Variants in MMS22L observed in about 807,000 individuals in gnomAD.
MMS22L encodes the protein protein MMS22-like.
MMS22L carries 74 observed loss-of-function variants against 159.1 expected under a neutral mutation model. The ratio of observed to expected loss-of-function variants is 0.47; its 90% CI spans 0.39 to 0.56. The LOEUF is 0.56. MMS22L is among the 20% of genes least tolerant of loss of function. MMS22L has a pLI of 0.00. For missense variants in MMS22L, 1,351 were observed against 1,422.1 expected, an observed-to-expected ratio of 0.95 and a Z score of 0.80; for synonymous variants, 517 against 506.9, an observed-to-expected ratio of 1.02 and a Z score of -0.27.
chr6:97,277,623 T>C (rs551546107), intron 4 of MMS22L, among the ~76,000 whole-genome samples: 2 of 152,146 alleles, frequency 1.3e-5, no homozygotes, highest in South Asian at 4.2e-4. Context: ...ACTTTTTTAC[T>C]AATTAGGATG....
chr6:97,189,386 C>A (rs1404007075), intron 14 of MMS22L, among the ~76,000 whole-genome samples: 1 of 150,298 alleles, frequency 6.7e-6, no homozygotes, highest in Non-Finnish European at 1.5e-5. Context: ...ATAGTGAAAC[C>A]CCATCTCTAT....
Position 97,272,805 on chromosome 6 carries a change from C to T in MMS22L, c.505G>A (p.Val169Met). The T allele has an allele frequency of 1.2e-6, 2 of 1,614,040 alleles. No homozygotes were observed. The highest frequency in any genetic ancestry group is 1.7e-6 in the Non-Finnish European group (2 of 1,179,938). The change falls in exon 6 of 25, where the codon GTG (valine) becomes ATG (methionine). Residue 169 changes from valine to methionine, a missense_variant. Val to Met is a conservative substitution (Grantham distance 21). Transcript: ENST00000683635. Reference sequence around the variant, plus strand: ...AATCCATGAAGCTCATCAATCAACACTGAGGGAAGCTGAGCCTCCAAAGCC... The same window carrying T: ...AATCCATGAAGCTCATCAATCAACATTGAGGGAAGCTGAGCCTCCAAAGCC... ...YEALEAQLPS[V>M]LIDELHGLLL...
intron 15 of MMS22L, 100 bp from the exon 16 acceptor site, chr6:97,182,154 TAA>T: frequency 1.1e-6 from 1 of 937,050 alleles, no homozygotes; most frequent in Non-Finnish European, 1.6e-6. Flanking sequence ...TTTTTTTTTT[TAA>T]GTAACAAATA....
At chr6:97,173,399 T>A (rs866269881) in intron 18 of MMS22L, among the ~76,000 whole-genome samples, 177 bp from the exon 19 acceptor site, 1 of 152,116 alleles carries the variant, frequency 6.6e-6, no homozygotes, top group African/African-American at 2.4e-5. Context: ...TAAAAAGAAT[T>A]AAGTCTTGTC....
Position 97,228,952 on chromosome 6 carries a change from G to A in MMS22L, c.1981C>T (p.Arg661Ter). 3 of 1,613,916 alleles carry A rather than the reference G, an allele frequency of 1.9e-6. No homozygotes were observed. The highest frequency in any genetic ancestry group is 1.7e-6 in the Non-Finnish European group (2 of 1,179,982). Residue 661 changes from arginine to a stop codon, truncating the protein, a stop_gained, in exon 14 of 25, where the codon CGA becomes TGA. Transcript: ENST00000683635. LOFTEE classifies it high-confidence loss of function. Reference protein sequence around the residue: ...DGFSMLLRACRESELRTVLSF... With the variant: ...DGFSMLLRAC ...AATACTGTCCTAAGTTCAGATTCTC[G>A]ACATGCTCGCAGAAGCATACTAAAT...
intron 14 of MMS22L, among the ~76,000 whole-genome samples, chr6:97,225,572 G>GTTTTTTTTTTTTTTTTTTTTTTTTTTT (rs202185434): frequency 7.0e-6 from 1 of 142,060 alleles, no homozygotes; most frequent in African/African-American, 2.6e-5. Flanking sequence ...TGGTCTCGAA[G>GTTTTTTTTTTTTTTTTTTTTTTTTTTT]TTTTTTTTTT....
chr6:97,258,311 T>C (rs546207868), intron 9 of MMS22L, among the ~76,000 whole-genome samples: 14 of 152,348 alleles, frequency 9.2e-5, no homozygotes, highest in Non-Finnish European at 1.8e-4. Context: ...TTCCTTAGTT[T>C]CTGGTACAAG....
At chr6:97,199,667 A>G (rs1309662543) in intron 14 of MMS22L, among the ~76,000 whole-genome samples, 1 of 152,052 alleles carries the variant, frequency 6.6e-6, no homozygotes, top group African/African-American at 2.4e-5. Flanking sequence ...TAATGGATCT[A>G]CAAACCTCAT....
intron 14 of MMS22L, among the ~76,000 whole-genome samples, chr6:97,193,139 T>C (rs1318248988): frequency 1.3e-5 from 2 of 152,222 alleles, no homozygotes; most frequent in Non-Finnish European, 2.9e-5. Flanking sequence ...ACCAGATGCA[T>C]ACATGTTAAA....
At chr6:97,239,129 C>T (rs1448552671) in intron 11 of MMS22L, among the ~76,000 whole-genome samples, 1 of 151,460 alleles carries the variant, frequency 6.6e-6, no homozygotes, top group Non-Finnish European at 1.5e-5. Flanking sequence ...GCTTCAATAT[C>T]CCAGTTACGA....
At chr6:97,193,577 A>G (rs184842680) in intron 14 of MMS22L, among the ~76,000 whole-genome samples, 75 of 152,288 alleles carry the variant, frequency 4.9e-4, no homozygotes, top group African/African-American at 1.8e-3. Context: ...TATTATTGTA[A>G]GTAGTTCCCA....
Position 97,178,536 on chromosome 6 carries a change from A to T in MMS22L, c.2586T>A (p.Asn862Lys). 1 of 1,576,284 alleles carries T rather than the reference A, an allele frequency of 6.3e-7. No homozygotes were observed. Among genetic ancestry groups the T allele is most frequent in the Non-Finnish European group, 8.7e-7 (1 of 1,151,578 alleles). ...AGAAAATACTCTTTACTTCTGAGAG[A>T]TTAAATAGTAATCTTGTCAGTTTGA... ...QLVKLTRLLF[N>K]LSEVKSIFSK... The change falls in exon 18 of 25, where the codon AAT becomes AAA. Residue 862 changes from asparagine to lysine, a missense_variant. Transcript: ENST00000683635.
intron 10 of MMS22L, among the ~76,000 whole-genome samples, chr6:97,248,780 A>C (rs151203076): frequency 0.016 from 2,385 of 151,552 alleles, 38 homozygotes; most frequent in Middle Eastern, 0.031. Context: ...AATCGCTTGA[A>C]CCCAGGAGGC....
rs1800854733 is a variant in MMS22L, at chr6:97,145,025, CACACA to C, written c.*1776_*1780del. The C allele has an allele frequency of 1.1e-4, 2 of 17,628 alleles. No homozygotes were observed. The highest frequency in any genetic ancestry group is 3.7e-4 in the African/African-American group (2 of 5,348). 1.1% of individuals were successfully genotyped at this position (17,628 alleles called of 1,614,324 possible). A position where few individuals can be genotyped will look rare whatever the true frequency, so the allele number is the denominator to read the frequency against. ...CAATCTCCTTTGGAAAAAAAAAACCCACACACACACACACACACACACACACACAC... is the reference window on the plus strand; with the variant it reads ...CAATCTCCTTTGGAAAAAAAAAACCCCACACACACACACACACACACACAC... On this transcript the variant is annotated 3_prime_UTR_variant, in exon 25 of 25. Transcript: ENST00000683635.
chr6:97,150,822 T>TA (rs1237425860), intron 23 of MMS22L, among the ~76,000 whole-genome samples: 6 of 152,080 alleles, frequency 3.9e-5, no homozygotes, highest in Admixed American at 3.9e-4. Flanking sequence ...AAGGCAGAGA[T>TA]AGGAATAATA....
chr6:97,226,734 A>G (rs1810299898), intron 14 of MMS22L, among the ~76,000 whole-genome samples: 1 of 152,144 alleles, frequency 6.6e-6, no homozygotes, highest in Admixed American at 6.5e-5. Context: ...GGAAGGAGAT[A>G]TCTGGAAGGT....
intron 14 of MMS22L, among the ~76,000 whole-genome samples, chr6:97,224,272 G>A (rs915497210): frequency 2.0e-5 from 3 of 151,850 alleles, no homozygotes; most frequent in Admixed American, 2.0e-4. Context: ...ATCCTTTTTT[G>A]ATTTCTACCT....
intron 20 of MMS22L, 85 bp downstream of exon 20, chr6:97,167,986 T>C: frequency 8.6e-7 from 1 of 1,156,200 alleles, no homozygotes; most frequent in Non-Finnish European, 1.2e-6. Context: ...GTACAGTTTT[T>C]AAATCTGCAT....
intron 15 of MMS22L, among the ~76,000 whole-genome samples, chr6:97,183,703 C>T (rs1234066032): frequency 6.6e-6 from 1 of 152,100 alleles, no homozygotes; most frequent in East Asian, 1.9e-4. Context: ...ACGCAGTTGC[C>T]TTCATCTGGG....
Sources: gnomAD v4.1 joint callset for allele counts (sites outside exome capture counted in the v4.1 genomes callset) on GRCh38, gnomAD v4.1.1 for gene constraint, MANE v1.5 for transcripts, NCBI Gene and HGNC (gene_info 2026-07-23, HGNC 2026-07-21) for gene names.